GBE1: variants seen among roughly 807,000 people sequenced by gnomAD.
The protein encoded by GBE1 is 1,4-alpha-glucan-branching enzyme.
A neutral mutation model predicts 88.8 loss-of-function variants in GBE1; 70 were observed. The observed-to-expected ratio is 0.79, with a 90% CI of 0.65 to 0.96. GBE1 has a LOEUF of 0.96. Among genes scored for constraint, GBE1 ranks in the 40% least tolerant of loss-of-function variants. The pLI is 0.00. For missense variants in GBE1, 872 were observed against 871.0 expected (o/e 1.00, Z -0.01); for synonymous variants, 284 against 300.1 (o/e 0.95, Z 0.56).
At chr3:81,499,497 T>C (rs1702558013) in intron 14 of GBE1, among the ~76,000 whole-genome samples, 1 of 152,146 alleles carries the variant, frequency 6.6e-6, no homozygotes, top group African/African-American at 2.4e-5. Flanking sequence ...ACTTTTCTCT[T>C]CAAGCAACCC....
At chr3:81,623,108 A>T (rs1704355145) in intron 7 of GBE1, among the ~76,000 whole-genome samples, 1 of 152,144 alleles carries the variant, frequency 6.6e-6, no homozygotes, top group Admixed American at 6.5e-5. Flanking sequence ...CACAGAATAA[A>T]CTGAATAAAA....
intron 3 of GBE1, among the ~76,000 whole-genome samples, chr3:81,663,639 A>G (rs370401995): frequency 6.6e-6 from 1 of 152,166 alleles, no homozygotes; most frequent in Non-Finnish European, 1.5e-5. Context: ...TGTCCTTGTG[A>G]CAGGGCAGAG....
chr3:81,751,443 G>T (rs1255999159), intron 1 of GBE1, among the ~76,000 whole-genome samples: 1 of 152,194 alleles, frequency 6.6e-6, no homozygotes, highest in Non-Finnish European at 1.5e-5. Context: ...TTCAGCTAAG[G>T]ATGACCATGG....
At chr3:81,588,204 C>T (rs1354015807) in intron 9 of GBE1, among the ~76,000 whole-genome samples, 1 of 151,656 alleles carries the variant, frequency 6.6e-6, no homozygotes, top group Non-Finnish European at 1.5e-5. Context: ...CTTATTTCTG[C>T]ATAGTTCTTC....
intron 2 of GBE1, among the ~76,000 whole-genome samples, chr3:81,673,136 A>C (rs1361505667): frequency 6.6e-6 from 1 of 151,892 alleles, no homozygotes; most frequent in Non-Finnish European, 1.5e-5. Context: ...CAAAACAAAG[A>C]GTTTAGTCCA....
intron 3 of GBE1, among the ~76,000 whole-genome samples, chr3:81,666,828 TATG>T (rs775107036): frequency 5.3e-5 from 8 of 152,346 alleles, no homozygotes; most frequent in Non-Finnish European, 1.2e-4. Flanking sequence ...ATTTTAGCCT[TATG>T]ATTTTAATTG....
chr3:81,707,986 C>T (rs1449669799), intron 1 of GBE1, among the ~76,000 whole-genome samples: 2 of 151,836 alleles, frequency 1.3e-5, no homozygotes. Context: ...TTGCATTGTT[C>T]TAATCACGTA....
intron 7 of GBE1, among the ~76,000 whole-genome samples, chr3:81,604,347 G>T (rs1336696698): frequency 7.0e-6 from 1 of 143,424 alleles, no homozygotes; most frequent in African/African-American, 2.6e-5. Context: ...ATATGCAGTG[G>T]CACCATCTCA....
chr3:81,496,261 G>A (rs1702499145), intron 15 of GBE1, among the ~76,000 whole-genome samples: 1 of 152,166 alleles, frequency 6.6e-6, no homozygotes. Context: ...CATTTCAATG[G>A]CGGTATACAT....
chr3:81,594,859 T>C (rs1456649389), intron 7 of GBE1, among the ~76,000 whole-genome samples: 1 of 151,982 alleles, frequency 6.6e-6, no homozygotes, highest in Non-Finnish European at 1.5e-5. Context: ...TTGAGTTCTC[T>C]ATCTTATTAT....
intron 7 of GBE1, among the ~76,000 whole-genome samples, chr3:81,598,966 T>C (rs1228740633): frequency 1.3e-5 from 2 of 152,088 alleles, no homozygotes; most frequent in African/African-American, 4.8e-5. Flanking sequence ...TCCACTGAGC[T>C]CCAGTTATCT....
At chr3:81,660,721 C>T (rs1467701200) in intron 3 of GBE1, among the ~76,000 whole-genome samples, 2 of 151,362 alleles carry the variant, frequency 1.3e-5, no homozygotes, top group Non-Finnish European at 2.9e-5. Flanking sequence ...AAAAAAAACA[C>T]ACACACATAC....
intron 2 of GBE1, among the ~76,000 whole-genome samples, chr3:81,686,196 C>T (rs547917773): frequency 1.3e-5 from 2 of 152,132 alleles, no homozygotes; most frequent in Admixed American, 6.5e-5. Context: ...AATAATGTTT[C>T]GCTTTTGTGG....
Position 81,647,207 on chromosome 3 carries a change from C to T in GBE1, c.692-725G>A, listed in dbSNP as rs535999230. Reference sequence around the variant, plus strand: ...TCCTGACCTCAGGTGATCCACCCACCTCAGCCTCCCAAAGTGCTGGGATTA... The same window carrying T: ...TCCTGACCTCAGGTGATCCACCCACTTCAGCCTCCCAAAGTGCTGGGATTA... On this transcript the variant is annotated intron_variant, in intron 5 of 15. Transcript: ENST00000429644. Among the ~76,000 whole-genome samples the T allele has an allele frequency of 4.3e-3, 655 of 152,238 alleles. 6 individuals are homozygous for T. Among genetic ancestry groups the T allele is most frequent in the Non-Finnish European group, 8.0e-3 (543 of 68,016 alleles).
chr3:81,663,825 G>T (rs1247626084), intron 3 of GBE1, among the ~76,000 whole-genome samples: 2 of 152,152 alleles, frequency 1.3e-5, no homozygotes, highest in Non-Finnish European at 1.5e-5. Flanking sequence ...GAGCAGCGGG[G>T]CACTGAAGTA....
At chr3:81,663,275 A>T (rs1430257047) in intron 3 of GBE1, among the ~76,000 whole-genome samples, 1 of 152,020 alleles carries the variant, frequency 6.6e-6, no homozygotes, top group Non-Finnish European at 1.5e-5. Flanking sequence ...AAAACCCAAG[A>T]CCCCAGTGGG....
intron 2 of GBE1, among the ~76,000 whole-genome samples, chr3:81,697,178 G>C (rs910335477): frequency 1.3e-5 from 2 of 152,194 alleles, no homozygotes; most frequent in African/African-American, 4.8e-5. Context: ...TAGTTTGCTG[G>C]AGTGGCTCAC....
chr3:81,575,467 T>A (rs2106930171), intron 12 of GBE1, among the ~76,000 whole-genome samples: 2 of 152,278 alleles, frequency 1.3e-5, no homozygotes, highest in East Asian at 3.9e-4. Flanking sequence ...TTAATCTTAA[T>A]GACTTTTGAT....
intron 15 of GBE1, among the ~76,000 whole-genome samples, chr3:81,493,845 T>A (rs77513777): frequency 6.8e-6 from 1 of 147,180 alleles, no homozygotes; most frequent in African/African-American, 2.5e-5. Context: ...TTTTTTTTTT[T>A]AAAGGATGCC....
Sources: gnomAD v4.1 joint callset for allele counts (sites outside exome capture counted in the v4.1 genomes callset) on GRCh38, gnomAD v4.1.1 for gene constraint, MANE v1.5 for transcripts, NCBI Gene and HGNC (gene_info 2026-07-23, HGNC 2026-07-21) for gene names.